Variants in HFM1 observed in about 807,000 individuals in gnomAD.
HFM1 encodes probable ATP-dependent DNA helicase HFM1.
In HFM1, 169 loss-of-function variants were observed where a neutral mutation model predicts 192.1. The observed-to-expected ratio is 0.88, with a 90% CI of 0.78 to 1.00. The LOEUF is 1.00. HFM1 is among the 50% of genes least tolerant of loss of function. The pLI, the probability that HFM1 is intolerant of heterozygous loss-of-function variation, is 0.00. For synonymous variants in HFM1, 525 were observed against 537.8 expected, an observed-to-expected ratio of 0.98 and a Z score of 0.33; for missense variants, 1,661 against 1,668.0, an observed-to-expected ratio of 1.00 and a Z score of 0.07.
chr1:91,380,369 A>T (rs1661412067), intron 7 of HFM1, 133 bp from the exon 8 acceptor site: 1 of 549,036 alleles, frequency 1.8e-6, no homozygotes, highest in Non-Finnish European at 3.1e-6. Flanking sequence ...AGTTATAAAA[A>T]TTGTAACTTT....
intron 30 of HFM1, among the ~76,000 whole-genome samples, chr1:91,294,204 A>G (rs1669130175): frequency 6.6e-6 from 1 of 152,066 alleles, no homozygotes; most frequent in Admixed American, 6.6e-5. Context: ...TATAATAATA[A>G]TAAATAAAAT....
At chr1:91,369,340 T>G (rs1203343499) in intron 13 of HFM1, among the ~76,000 whole-genome samples, 1 of 152,124 alleles carries the variant, frequency 6.6e-6, no homozygotes, top group Admixed American at 6.6e-5. Context: ...ATTGACCACA[T>G]AGTTGGAAGT....
In HFM1 at chr1:91,375,537, G is replaced by A. The variant is rs2101966543; in HGVS notation, c.1586C>T (p.Pro529Leu). ...ATCAACAATCCATACCACAAGTGTG[G>A]GTTTCTGATCAGAGTACATTTGTAT... ...SVIQMYSDQK[P>L]TLVFCATRKG... is the part of the protein sequence containing the mutation. Residue 529 changes from proline to leucine, a missense_variant, in exon 12 of 39, where the codon CCC becomes CTC. Coordinates refer to ENST00000370425, the MANE Select transcript of HFM1 (RefSeq NM_001017975.6). 1 of 1,612,826 alleles carries A rather than the reference G, an allele frequency of 6.2e-7. No homozygotes were observed. Among genetic ancestry groups the A allele is most frequent in the East Asian group, 2.2e-5 (1 of 44,844 alleles).
chr1:91,352,559 C>T lies in HFM1; in HGVS notation c.1924G>A (p.Glu642Lys), dbSNP rs754921202. ...TMHYAGGLFE[E>K]YSETDILQMI... The stretch of plus-strand genomic sequence containing the variant: ...TGTAGAATATCTGTTTCACTGTACT[C>T]TTCAAACAGTCCTCCAGCATAATGC... The change falls in exon 16 of 39, where the codon GAG (glutamate) becomes AAG (lysine). Residue 642 changes from glutamate (E) to lysine (K), a missense_variant. By Grantham distance (56) the Glu-to-Lys change is moderately conservative. Transcript: ENST00000370425. 2 of 1,609,974 alleles carry T rather than the reference C, an allele frequency of 1.2e-6. No homozygotes were observed. The highest frequency in any genetic ancestry group is 2.2e-5 in the East Asian group (1 of 44,720).
At chr1:91,272,753 T>C (rs1186973122) in intron 34 of HFM1, among the ~76,000 whole-genome samples, 6 of 152,014 alleles carry the variant, frequency 3.9e-5, no homozygotes, top group African/African-American at 1.4e-4. Context: ...TTGATCTCAT[T>C]ATTGGGCCTA....
intron 20 of HFM1, chr1:91,329,154 G>A (rs1056968912): frequency 1.5e-5 from 24 of 1,609,448 alleles, no homozygotes; most frequent in African/African-American, 4.0e-5. Context: ...CGAGGAGATC[G>A]TGCAGCGACT....
intron 23 of HFM1, among the ~76,000 whole-genome samples, chr1:91,322,374 A>G (rs1652247532): frequency 1.3e-5 from 2 of 152,184 alleles, no homozygotes; most frequent in African/African-American, 4.8e-5. Context: ...CATAACACTA[A>G]GACCTACATA....
chr1:91,360,759 A>G (rs932593368), intron 13 of HFM1, among the ~76,000 whole-genome samples: 1 of 152,210 alleles, frequency 6.6e-6, no homozygotes, highest in African/African-American at 2.4e-5. Context: ...TGATAGCTAC[A>G]TGGCATGTAC....
chr1:91,354,286 GA>G (rs921322467), intron 13 of HFM1, among the ~76,000 whole-genome samples: 2 of 150,782 alleles, frequency 1.3e-5, no homozygotes, highest in African/African-American at 4.9e-5. Context: ...TAGTCAGAGG[GA>G]AAAAAAAGAA....
intron 34 of HFM1, among the ~76,000 whole-genome samples, chr1:91,269,255 T>C (rs187501991): frequency 9.2e-5 from 14 of 152,124 alleles, no homozygotes; most frequent in Non-Finnish European, 1.8e-4. Flanking sequence ...TTCTACCATA[T>C]GGATAAATAA....
In HFM1 at chr1:91,262,381, T is replaced by C. The variant is rs747628741; in HGVS notation, c.4098A>G (p.Gln1366=). 1 of 1,576,276 alleles carries C rather than the reference T, an allele frequency of 6.3e-7. No individual in the cohort carries two copies. The highest frequency in any genetic ancestry group is 8.6e-7 in the Non-Finnish European group (1 of 1,161,304). ...GTGACAGATTTTGTGGTTTTCTTTC[T>C]TGAAAATGGACCTACATTTGAGATA... ...QAGNAVIVHF[Q]ERKPQNLSPE... is the part of the protein sequence containing the mutation. The change falls in exon 38 of 39, where the codon CAA becomes CAG. Residue 1366 remains glutamine (Q), a synonymous_variant. Transcript: ENST00000370425.
At chr1:91,269,656 G>A (rs1164558388) in intron 34 of HFM1, among the ~76,000 whole-genome samples, 4 of 152,124 alleles carry the variant, frequency 2.6e-5, no homozygotes, top group Admixed American at 6.6e-5. Context: ...GCAGAGGAAG[G>A]AGGATCTAAA....
At chr1:91,305,297 G>A (rs1039754911) in intron 30 of HFM1, among the ~76,000 whole-genome samples, 8 of 152,046 alleles carry the variant, frequency 5.3e-5, no homozygotes, top group Non-Finnish European at 1.0e-4. Flanking sequence ...TTCAATCCAC[G>A]AACATAAAAT....
At chr1:91,286,650 G>A (rs116423127) in intron 30 of HFM1, among the ~76,000 whole-genome samples, 1,626 of 151,824 alleles carry the variant, frequency 0.011, 32 homozygotes, top group African/African-American at 0.037. Context: ...ATTCACGACC[G>A]AGGAGCCAAG....
At chr1:91,343,945 T>C (rs1288975071) in intron 19 of HFM1, among the ~76,000 whole-genome samples, 1 of 152,234 alleles carries the variant, frequency 6.6e-6, no homozygotes, top group Admixed American at 6.5e-5. Flanking sequence ...GTTTTCTTTT[T>C]CTTTTTTCTT....
intron 35 of HFM1, among the ~76,000 whole-genome samples, chr1:91,266,746 C>T (rs748970488): frequency 2.6e-5 from 4 of 152,112 alleles, no homozygotes; most frequent in Non-Finnish European, 5.9e-5. Flanking sequence ...TACACATTGC[C>T]TATTAACTTG....
intron 8 of HFM1, among the ~76,000 whole-genome samples, chr1:91,379,799 AGAAAG>A (rs1292666582): frequency 6.6e-6 from 1 of 152,170 alleles, no homozygotes; most frequent in Non-Finnish European, 1.5e-5. Context: ...TACATACCTA[AGAAAG>A]GAGAGTAAAA....
At chr1:91,343,381 A>T (rs1435286311) in intron 20 of HFM1, 49 bp downstream of exon 20, 4 of 875,954 alleles carry the variant, frequency 4.6e-6, no homozygotes, top group Non-Finnish European at 7.1e-6. Context: ...ATTTTAATTT[A>T]GTCTTAAGTA....
intron 30 of HFM1, among the ~76,000 whole-genome samples, chr1:91,287,002 A>C (rs1668054321): frequency 6.6e-6 from 1 of 152,016 alleles, no homozygotes; most frequent in Admixed American, 6.6e-5. Context: ...CCTGGCTCAG[A>C]GGGTCCTACG....
Sources: allele counts gnomAD v4.1 joint callset (sites outside exome capture counted in the v4.1 genomes callset), GRCh38; gene constraint gnomAD v4.1.1; transcripts MANE v1.5; gene names NCBI Gene and HGNC (gene_info 2026-07-23, HGNC 2026-07-21).